DENND2C: variants seen among roughly 807,000 people sequenced by gnomAD.
DENND2C encodes DENN domain containing 2C.
Under a neutral mutation model 112.4 loss-of-function variants are expected in DENND2C, and 72 were observed. The observed-to-expected ratio is 0.64, with a 90% CI of 0.53 to 0.78. The LOEUF is 0.78. Ranked by LOEUF, DENND2C falls within the 30% of genes least tolerant of loss-of-function variation. The pLI is 0.00. For missense variants in DENND2C, 992 were observed against 1,113.8 expected (o/e 0.89, Z 1.56); for synonymous variants, 329 against 381.6 (o/e 0.86, Z 1.61).
At chr1:114,627,638 G>T (rs1452222355) in intron 3 of DENND2C, among the ~76,000 whole-genome samples, 1 of 150,578 alleles carries the variant, frequency 6.6e-6, no homozygotes, top group Non-Finnish European at 1.5e-5. Context: ...TCATGTGGAT[G>T]AAAAAAAATA....
chr1:114,588,445 C>G (rs920773256), intron 18 of DENND2C: 3 of 154,448 alleles, frequency 1.9e-5, no homozygotes, highest in Non-Finnish European at 4.3e-5. Context: ...AGACACTCCT[C>G]TTCAACATTC....
chr1:114,651,167 G>C (rs1353947588), intron 2 of DENND2C, among the ~76,000 whole-genome samples: 3 of 151,944 alleles, frequency 2.0e-5, no homozygotes, highest in Non-Finnish European at 2.9e-5. Context: ...GCTAGGCATG[G>C]TGGCTTACAC....
intron 3 of DENND2C, among the ~76,000 whole-genome samples, chr1:114,642,494 A>G (rs1656869134): frequency 1.3e-5 from 2 of 152,206 alleles, no homozygotes; most frequent in Non-Finnish European, 2.9e-5. Flanking sequence ...GTTGTAAATC[A>G]TTAGTCCAAT....
chr1:114,609,785 A>G (rs914270768), intron 9 of DENND2C, among the ~76,000 whole-genome samples: 11 of 152,220 alleles, frequency 7.2e-5, no homozygotes, highest in Non-Finnish European at 1.3e-4. Context: ...ACTATAGATC[A>G]AAATATTAAG....
rs377602523 is a variant in DENND2C, at chr1:114,631,510, G to A, written c.-204-5322C>T. On this transcript the variant is annotated intron_variant, in intron 3 of 20. Coordinates refer to ENST00000393274, the MANE Select transcript of DENND2C (RefSeq NM_001256404.2). ...CAATAGAAGTAGAACCGGGCCAGGC[G>A]TGGTGGCTCACGCCTGTAATCCCAG... 1.3e-3 allele frequency among the ~76,000 whole-genome samples: 198 copies of A among 152,036 alleles called. 1 individual carries two copies. The highest frequency in any genetic ancestry group is 4.4e-3 in the African/African-American group (182 of 41,490).
At chr1:114,637,578 G>A in intron 3 of DENND2C, among the ~76,000 whole-genome samples, 1 of 151,348 alleles carries the variant, frequency 6.6e-6, no homozygotes, top group East Asian at 2.0e-4. Flanking sequence ...GTGCAGTGGT[G>A]GGATCTCGGC....
intron 1 of DENND2C, among the ~76,000 whole-genome samples, chr1:114,657,372 C>T (rs554684978): frequency 1.3e-4 from 20 of 152,140 alleles, no homozygotes; most frequent in Non-Finnish European, 5.9e-5. Flanking sequence ...TAGAATTGAG[C>T]TTTATAAACT....
chr1:114,593,937 G>C (rs925506465), intron 18 of DENND2C, among the ~76,000 whole-genome samples: 1 of 152,310 alleles, frequency 6.6e-6, no homozygotes, highest in African/African-American at 2.4e-5. Context: ...GCATATGCCT[G>C]ATACAGTATA....
At chr1:114,624,831 G>A (rs1656285446) in intron 4 of DENND2C, among the ~76,000 whole-genome samples, 1 of 151,936 alleles carries the variant, frequency 6.6e-6, no homozygotes, top group Non-Finnish European at 1.5e-5. Flanking sequence ...ATGTTGGCCA[G>A]GCTGGTCTTG....
chr1:114,585,328 C>A lies in DENND2C; in HGVS notation c.*272G>T. On this transcript the variant is annotated 3_prime_UTR_variant, in exon 21 of 21. Transcript: ENST00000393274. ...CTACTTTCACAGACAAAGCACAAAA[C>A]AGAGAATGAGCCCAAGAATCACATA... 1 of 396,524 alleles carries A rather than the reference C, an allele frequency of 2.5e-6. No individual in the cohort carries two copies. The highest frequency in any genetic ancestry group is 6.1e-5 in the South Asian group (1 of 16,464). The allele number at this position is 396,524 out of a possible 1,614,324, so 24.6% of individuals were successfully genotyped here. A position where few individuals can be genotyped will look rare whatever the true frequency, so the allele number is the denominator to read the frequency against.
At chr1:114,648,533 G>A (rs1316089378) in intron 2 of DENND2C, among the ~76,000 whole-genome samples, 3 of 152,198 alleles carry the variant, frequency 2.0e-5, no homozygotes, top group African/African-American at 7.2e-5. Flanking sequence ...ATTAAATTGT[G>A]AGGATTACAA....
chr1:114,600,385 A>C (rs1199933070), intron 14 of DENND2C, 33 bp from the exon 15 acceptor site: 1 of 1,612,724 alleles, frequency 6.2e-7, no homozygotes, highest in South Asian at 1.1e-5. Flanking sequence ...AGGTGAGCTA[A>C]TGTTGGAAAA....
intron 3 of DENND2C, among the ~76,000 whole-genome samples, chr1:114,630,614 C>A (rs375565144): frequency 6.6e-6 from 1 of 152,008 alleles, no homozygotes; most frequent in South Asian, 2.1e-4. Flanking sequence ...TTGAGGATAA[C>A]AAGATTGGAA....
intron 6 of DENND2C, 116 bp downstream of exon 6, chr1:114,622,871 T>A: frequency 1.5e-6 from 1 of 652,716 alleles, no homozygotes; most frequent in South Asian, 4.0e-5. Context: ...ACCACCAACA[T>A]TAAAACTTAC....
At chr1:114,640,009 C>A (rs1039734007) in intron 3 of DENND2C, among the ~76,000 whole-genome samples, 3 of 152,212 alleles carry the variant, frequency 2.0e-5, no homozygotes, top group African/African-American at 7.2e-5. Context: ...CTTTGTATCT[C>A]TCCTGTCCTC....
intron 4 of DENND2C, 28 bp from the exon 5 acceptor site, chr1:114,623,671 T>C (rs1377926711): frequency 6.7e-7 from 1 of 1,494,472 alleles, no homozygotes; most frequent in East Asian, 2.4e-5. Context: ...ATTTTAAAGT[T>C]ATATCTTTCA....
chr1:114,632,151 G>T (rs1293897069), intron 3 of DENND2C, among the ~76,000 whole-genome samples: 1 of 152,176 alleles, frequency 6.6e-6, no homozygotes, highest in Non-Finnish European at 1.5e-5. Context: ...GAAAAACAGA[G>T]CTTCACTGGG....
Position 114,587,458 on chromosome 1 carries a change from C to T in DENND2C, c.2684G>A (p.Arg895Gln), listed in dbSNP as rs1353554902. 8.1e-6 allele frequency: 13 copies of T among 1,614,008 alleles called. No individual in the cohort carries two copies. The highest frequency in any genetic ancestry group is 1.1e-5 in the South Asian group (1 of 91,090). Residue 895 changes from arginine (R) to glutamine (Q), a missense_variant, in exon 20 of 21, where the codon CGG becomes CAG. By Grantham distance (43) the Arg-to-Gln change is conservative. Coordinates refer to ENST00000393274, the MANE Select transcript of DENND2C (RefSeq NM_001256404.2). ...AATTGTTTCCAAATACTGGATGGCCCGGATCTCAAACAAACCTACAAGGAA... is the reference window on the plus strand; with the variant it reads ...AATTGTTTCCAAATACTGGATGGCCTGGATCTCAAACAAACCTACAAGGAA... ...KSGVKGLFEI[R>Q]AIQYLETIPE...
intron 8 of DENND2C, 36 bp from the exon 9 acceptor site, chr1:114,611,153 C>G (rs1420870576): frequency 6.2e-7 from 1 of 1,612,312 alleles, no homozygotes; most frequent in Admixed American, 1.7e-5. Flanking sequence ...TTGTATTGTC[C>G]AACAGTAGGA....
Sources: allele counts gnomAD v4.1 joint callset (sites outside exome capture counted in the v4.1 genomes callset), GRCh38; gene constraint gnomAD v4.1.1; transcripts MANE v1.5; gene names NCBI Gene and HGNC (gene_info 2026-07-23, HGNC 2026-07-21).